IKBKB-DT: variants seen among roughly 807,000 people sequenced by gnomAD.
IKBKB-DT encodes IKBKB divergent transcript.
chr8:42,251,310 C>T (rs1807126015), intron 3 of IKBKB-DT, among the ~76,000 whole-genome samples: 1 of 152,236 alleles, frequency 6.6e-6, no homozygotes, highest in African/African-American at 2.4e-5. Context: ...CTGCTGTATC[C>T]TGCATCCATT....
At chr8:42,254,796 C>T (rs1301551592) in intron 3 of IKBKB-DT, among the ~76,000 whole-genome samples, 2 of 150,852 alleles carry the variant, frequency 1.3e-5, no homozygotes, top group Non-Finnish European at 3.0e-5. Context: ...GTAAGGAGCG[C>T]CTCTGCCCGG....
intron 3 of IKBKB-DT, among the ~76,000 whole-genome samples, chr8:42,255,775 C>T (rs555722420): frequency 3.1e-4 from 47 of 152,142 alleles, no homozygotes; most frequent in South Asian, 4.1e-4. Context: ...CCTGTAATCC[C>T]AGCACTTTGG....
chr8:42,253,168 A>T (rs926584675), intron 3 of IKBKB-DT, among the ~76,000 whole-genome samples: 1 of 152,188 alleles, frequency 6.6e-6, no homozygotes, highest in Non-Finnish European at 1.5e-5. Context: ...GGTCTCCACA[A>T]TCTTTTATCT....
intron 3 of IKBKB-DT, among the ~76,000 whole-genome samples, chr8:42,251,673 A>G (rs559876393): frequency 2.2e-4 from 34 of 152,266 alleles, no homozygotes; most frequent in African/African-American, 7.2e-4. Context: ...TCTACTAAAA[A>G]TACAAAAATT....
intron 3 of IKBKB-DT, among the ~76,000 whole-genome samples, chr8:42,250,663 C>A (rs575536613): frequency 6.6e-6 from 1 of 152,248 alleles, no homozygotes; most frequent in Non-Finnish European, 1.5e-5. Context: ...GGGCAGGGAA[C>A]GGTGGTGATG....
exon 1 of IKBKB-DT, chr8:42,271,212 C>T: frequency 1.6e-6 from 1 of 634,234 alleles, no homozygotes; most frequent in Non-Finnish European, 2.9e-6. Flanking sequence ...TCGAGGGTCC[C>T]GGGACAGGCG....
intron 3 of IKBKB-DT, among the ~76,000 whole-genome samples, chr8:42,252,009 T>A (rs1337869886): frequency 6.6e-6 from 1 of 152,112 alleles, no homozygotes; most frequent in African/African-American, 2.4e-5. Flanking sequence ...ATAAGCAAGC[T>A]GGAAGCTTGC....
chr8:42,254,816 C>G (rs991312641), intron 3 of IKBKB-DT, among the ~76,000 whole-genome samples: 1 of 150,390 alleles, frequency 6.6e-6, no homozygotes, highest in African/African-American at 2.5e-5. Flanking sequence ...GCTACCCCAT[C>G]TGGGAAGTGA....
At chr8:42,270,195 AAAT>A (rs1807538521) in intron 1 of IKBKB-DT, among the ~76,000 whole-genome samples, 1 of 152,164 alleles carries the variant, frequency 6.6e-6, no homozygotes, top group Non-Finnish European at 1.5e-5. Flanking sequence ...TGTACCTTGG[AAAT>A]AATAATAATG....
At chr8:42,243,694 G>A (rs570815706) in intron 3 of IKBKB-DT, among the ~76,000 whole-genome samples, 1 of 152,304 alleles carries the variant, frequency 6.6e-6, no homozygotes, top group South Asian at 2.1e-4. Context: ...AATTTAGACG[G>A]ACAGTACTCA....
intron 1 of IKBKB-DT, among the ~76,000 whole-genome samples, chr8:42,266,886 G>A (rs998238024): frequency 2.6e-5 from 4 of 151,978 alleles, no homozygotes; most frequent in Admixed American, 1.3e-4. Flanking sequence ...CCCACCCCTT[G>A]TTTAGCATAA....
At chr8:42,249,296 G>A (rs1807100291) in intron 3 of IKBKB-DT, 1 of 152,212 alleles carries the variant, frequency 6.6e-6, no homozygotes, top group African/African-American at 2.4e-5. Context: ...ATGAGCCTGG[G>A]AGGTCAAGGC....
intron 3 of IKBKB-DT, among the ~76,000 whole-genome samples, chr8:42,240,302 AGC>A (rs2129904090): frequency 6.6e-6 from 1 of 151,658 alleles, no homozygotes; most frequent in Non-Finnish European, 1.5e-5. Context: ...GTTAATTCTA[AGC>A]CTGTCTCTTA....
chr8:42,247,369 G>A (rs903964645), intron 3 of IKBKB-DT, among the ~76,000 whole-genome samples: 3 of 152,192 alleles, frequency 2.0e-5, no homozygotes, highest in Admixed American at 1.3e-4. Flanking sequence ...ATTTGGAATG[G>A]GAGCATTTGC....
At chr8:42,252,850 A>G (rs1440639469) in intron 3 of IKBKB-DT, among the ~76,000 whole-genome samples, 1 of 152,160 alleles carries the variant, frequency 6.6e-6, no homozygotes, top group Non-Finnish European at 1.5e-5. Flanking sequence ...GTTTTATTTA[A>G]CCCTATGTAT....
At position 42,263,032 on chromosome 8, in the gene IKBKB-DT, C is replaced by A. The variant is rs550540758; in HGVS notation, n.1529+297G>T. On this transcript the variant is annotated intron_variant and non_coding_transcript_variant, in intron 3 of 3. Transcript: ENST00000518213. ...CTGAGATTACAGGCATGAGCCACTA[C>A]GCCCTGCTAATTTTTTGTATTTTTA... 5.3e-5 allele frequency among the ~76,000 whole-genome samples: 8 copies of A among 151,908 alleles called. No individual in the cohort carries two copies. In the East Asian group the frequency reaches 1.5e-3, roughly 29 times the overall value.
At chr8:42,237,648 C>A (rs1585458657) in intron 3 of IKBKB-DT, among the ~76,000 whole-genome samples, 2 of 152,104 alleles carry the variant, frequency 1.3e-5, no homozygotes, top group African/African-American at 4.8e-5. Context: ...CAGTAAAGGC[C>A]AAGTGGGGGA....
At chr8:42,254,606 C>T (rs1807170893) in intron 3 of IKBKB-DT, among the ~76,000 whole-genome samples, 1 of 147,764 alleles carries the variant, frequency 6.8e-6, no homozygotes. Context: ...AGAAGCACCT[C>T]TCCCCGGCTG....
chr8:42,240,922 C>G (rs946536247), intron 3 of IKBKB-DT, among the ~76,000 whole-genome samples: 2 of 152,058 alleles, frequency 1.3e-5, no homozygotes, highest in African/African-American at 4.8e-5. Flanking sequence ...TTGCTGTGAG[C>G]TGAGATTGCG....
Sources: allele counts gnomAD v4.1 joint callset (sites outside exome capture counted in the v4.1 genomes callset), GRCh38; gene constraint gnomAD v4.1.1; transcripts MANE v1.5; gene names NCBI Gene and HGNC (gene_info 2026-07-23, HGNC 2026-07-21).